PTGER3: variants seen among roughly 807,000 people sequenced by gnomAD.
PTGER3 encodes the protein prostaglandin E receptor 3, also known as prostaglandin E2 receptor EP3 subtype.
Under a neutral mutation model 34.7 loss-of-function variants are expected in PTGER3, and 22 were observed. The observed-to-expected ratio is 0.63, with a 90% CI of 0.45 to 0.91. The LOEUF (loss-of-function observed/expected upper bound fraction) is 0.91, where lower values mean the gene tolerates loss of function less well. PTGER3 is among the 40% of genes least tolerant of loss of function. The probability of loss-of-function intolerance (pLI) is 0.00; values close to 1 mark genes in which losing one functional copy is unlikely to be tolerated. For synonymous variants in PTGER3, 241 were observed against 230.1 expected, an observed-to-expected ratio of 1.05 and a Z score of -0.43; for missense variants, 468 against 519.4, an observed-to-expected ratio of 0.90 and a Z score of 0.96.
chr1:70,938,142 G>C (rs1180513048), intron 4 of PTGER3, among the ~76,000 whole-genome samples: 2 of 152,114 alleles, frequency 1.3e-5, no homozygotes, highest in East Asian at 3.9e-4. Context: ...TTTAGCAAAA[G>C]TCTTATTTTA....
chr1:70,952,993 A>C (rs1557681034), exon 4 of PTGER3: 1 of 1,612,622 alleles, frequency 6.2e-7, no homozygotes, highest in Non-Finnish European at 8.5e-7. Flanking sequence ...AGCACACGAT[A>C]GGTTTGTACT....
At position 70,988,538 on chromosome 1, in the gene PTGER3, C is replaced by T. The variant is rs915740369; in HGVS notation, c.1078-14150G>A. Among the ~76,000 whole-genome samples, 12 of 152,294 alleles carry T rather than the reference C, an allele frequency of 7.9e-5. No individual in the cohort carries two copies. The South Asian group carries it at 1.7e-3, about 21-fold the overall frequency. On this transcript the variant is annotated intron_variant, in intron 2 of 3. Transcript: ENST00000306666. ...GGCACACCCTTCTTTATTCCTTCCT[C>T]CTTCCTACTGACCAGAAGGCAAAAT... is the stretch of plus-strand genomic sequence containing the variant.
Position 70,970,799 on chromosome 1 carries a change from A to G in PTGER3, c.*931T>C. On this transcript the variant is annotated 3_prime_UTR_variant, in exon 4 of 4. Transcript: ENST00000306666. ...CAAGTATATCTTTTAGAAGTCCACAAAGTTTTTTATTTTAATACAGACAAA... is the reference window on the plus strand; with the variant it reads ...CAAGTATATCTTTTAGAAGTCCACAGAGTTTTTTATTTTAATACAGACAAA... The G allele has an allele frequency of 1.2e-6, 1 of 819,700 alleles. No individual in the cohort carries two copies. The highest frequency in any genetic ancestry group is 1.5e-6 in the Non-Finnish European group (1 of 678,974). The allele number at this position is 819,700 out of a possible 1,614,324, so 50.8% of individuals were successfully genotyped here.
intron 4 of PTGER3, among the ~76,000 whole-genome samples, chr1:70,859,685 C>T (rs776851414): frequency 6.6e-5 from 10 of 152,342 alleles, no homozygotes; most frequent in African/African-American, 9.6e-5. Flanking sequence ...CATTCTTACA[C>T]GACTGCCAAT....
At chr1:71,011,571 C>G (rs886976104) in intron 2 of PTGER3, 5 of 984,662 alleles carry the variant, frequency 5.1e-6, no homozygotes, top group East Asian at 1.1e-4. Context: ...TAGTCACAAA[C>G]TCCATATTTC....
At position 70,962,700 on chromosome 1, in the gene PTGER3, A is replaced by G. The variant is rs6678874; in HGVS notation, c.1078-8911T>C. Among the ~76,000 whole-genome samples the G allele has an allele frequency of 3.4e-3, 513 of 152,302 alleles. 2 individuals carry two copies. The highest frequency in any genetic ancestry group is 3.9e-3 in the Non-Finnish European group (266 of 68,026). ...AGGAAAGACCTGACCCCATGATTCA[A>G]TTACCTCCCCTCAGGTCCCTCCCAC... On this transcript the variant is annotated intron_variant, in intron 2 of 3. Coordinates refer to the PTGER3 transcript ENST00000356595.
chr1:70,961,074 T>A (rs1158263115), intron 2 of PTGER3, among the ~76,000 whole-genome samples: 9 of 148,428 alleles, frequency 6.1e-5, no homozygotes, highest in Non-Finnish European at 1.0e-4. Context: ...ATGCTGCTGA[T>A]CTGGGGGCAA....
At chr1:70,879,954 G>A (rs997504619) in intron 4 of PTGER3, among the ~76,000 whole-genome samples, 8 of 152,064 alleles carry the variant, frequency 5.3e-5, no homozygotes, top group East Asian at 1.9e-4. Context: ...TTAGCTGGGC[G>A]TGGTGGTGCG....
At chr1:70,947,271 G>A (rs899318456) in intron 4 of PTGER3, 2 of 152,136 alleles carry the variant, frequency 1.3e-5, no homozygotes, top group Non-Finnish European at 2.9e-5. Context: ...CATGTTGTGG[G>A]AGGGACCCAG....
intron 4 of PTGER3, among the ~76,000 whole-genome samples, chr1:70,931,841 T>C (rs984175739): frequency 1.3e-5 from 2 of 152,286 alleles, no homozygotes; most frequent in Admixed American, 1.3e-4. Context: ...CCTGGGTACA[T>C]TTTCCCCATT....
intron 1 of PTGER3, among the ~76,000 whole-genome samples, chr1:71,023,518 G>A (rs1161595032): frequency 1.3e-5 from 2 of 151,852 alleles, no homozygotes; most frequent in African/African-American, 4.9e-5. Context: ...ATGTGCTATA[G>A]GCCATACCTT....
chr1:70,861,353 A>G (rs1211668158), intron 4 of PTGER3, among the ~76,000 whole-genome samples: 1 of 152,212 alleles, frequency 6.6e-6, no homozygotes, highest in Non-Finnish European at 1.5e-5. Context: ...TTCTAGTGTT[A>G]GCATTAGCAG....
intron 2 of PTGER3, among the ~76,000 whole-genome samples, chr1:70,976,988 T>C (rs527279339): frequency 1.3e-5 from 2 of 152,294 alleles, no homozygotes; most frequent in South Asian, 2.1e-4. Context: ...GCCAGCAAAC[T>C]TTATCCTCCC....
At chr1:70,995,642 G>A (rs75166882) in intron 2 of PTGER3, among the ~76,000 whole-genome samples, 2,385 of 152,166 alleles carry the variant, frequency 0.016, 79 homozygotes, top group African/African-American at 0.055. Flanking sequence ...TTTGATATAT[G>A]TCTTAATCTC....
At chr1:70,977,496 A>G (rs1240230303) in intron 2 of PTGER3, among the ~76,000 whole-genome samples, 3 of 151,912 alleles carry the variant, frequency 2.0e-5, no homozygotes, top group Admixed American at 2.0e-4. Flanking sequence ...ATCCCCATCC[A>G]CTGCTTGATC....
chr1:70,917,241 G>A (rs573749329), intron 4 of PTGER3, among the ~76,000 whole-genome samples: 1 of 151,080 alleles, frequency 6.6e-6, no homozygotes, highest in Non-Finnish European at 1.5e-5. Context: ...TTCAGATTCT[G>A]CTTTCAGAGT....
At chr1:70,970,774 C>T (rs1233786613), downstream of PTGER3, 4 of 666,774 alleles carry the variant, frequency 6.0e-6, no homozygotes, top group African/African-American at 7.9e-5. Flanking sequence ...TTAGATGACT[C>T]AAGTATATCT....
At chr1:70,982,485 G>A (rs536477434) in intron 2 of PTGER3, among the ~76,000 whole-genome samples, 38 of 152,220 alleles carry the variant, frequency 2.5e-4, no homozygotes, top group African/African-American at 8.7e-4. Context: ...TGGTAGCTAA[G>A]CCATTCTCCA....
chr1:70,943,606 C>A (rs1041168679), intron 4 of PTGER3, among the ~76,000 whole-genome samples: 5 of 152,038 alleles, frequency 3.3e-5, no homozygotes, highest in African/African-American at 1.2e-4. Flanking sequence ...TCAAACCAAG[C>A]AGTTGGTTTA....
Sources: gnomAD v4.1 joint callset for allele counts (sites outside exome capture counted in the v4.1 genomes callset) on GRCh38, gnomAD v4.1.1 for gene constraint, MANE v1.5 for transcripts, NCBI Gene and HGNC (gene_info 2026-07-23, HGNC 2026-07-21) for gene names.